The following COG5 variants were observed in gnomAD, a reference collection of about 807,000 sequenced individuals.
The protein encoded by COG5 is conserved oligomeric Golgi complex subunit 5.
Under a neutral mutation model 110.4 loss-of-function variants are expected in COG5, and 86 were observed. The ratio of observed to expected loss-of-function variants is 0.78; its 90% CI spans 0.65 to 0.93. The LOEUF is 0.93. Among genes scored for constraint, COG5 ranks in the 40% least tolerant of loss-of-function variants. The pLI is 0.00. For missense variants in COG5, 1,077 were observed against 987.0 expected (o/e 1.09, Z -1.22); for synonymous variants, 360 against 334.6 (o/e 1.08, Z -0.83).
At chr7:107,278,465 C>T (rs1804882077) in intron 14 of COG5, among the ~76,000 whole-genome samples, 2 of 152,122 alleles carry the variant, frequency 1.3e-5, no homozygotes, top group African/African-American at 4.8e-5. Context: ...GTTCCCCTCT[C>T]TGTGTCCACG....
chr7:107,514,969 T>C (rs1313709469), intron 6 of COG5, among the ~76,000 whole-genome samples: 2 of 152,194 alleles, frequency 1.3e-5, no homozygotes, highest in Admixed American at 1.3e-4. Context: ...ATGCTGAGTT[T>C]ATAGATAAGG....
chr7:107,262,097 G>C (rs1803404446), intron 14 of COG5, among the ~76,000 whole-genome samples: 1 of 151,920 alleles, frequency 6.6e-6, no homozygotes, highest in South Asian at 2.1e-4. Flanking sequence ...TGTCATGTTA[G>C]CTAGGCTGGT....
intron 6 of COG5, chr7:107,472,712 C>A (rs1399977838): frequency 6.6e-6 from 1 of 151,816 alleles, no homozygotes; most frequent in African/African-American, 2.4e-5. Context: ...TGTGTTTCTG[C>A]AATATTATTC....
chr7:107,223,185 AAG>A (rs1484275496), intron 19 of COG5, among the ~76,000 whole-genome samples: 2 of 152,314 alleles, frequency 1.3e-5, no homozygotes, highest in Non-Finnish European at 2.9e-5. Context: ...ACAGAAATGA[AAG>A]AGTGGGAGAA....
At chr7:107,480,601 T>C (rs181544475) in intron 6 of COG5, among the ~76,000 whole-genome samples, 4 of 152,220 alleles carry the variant, frequency 2.6e-5, no homozygotes, top group African/African-American at 4.8e-5. Context: ...TACAGAATTG[T>C]AGGTTAGAGC....
intron 17 of COG5, among the ~76,000 whole-genome samples, chr7:107,236,934 T>A (rs1801240284): frequency 6.6e-6 from 1 of 152,196 alleles, no homozygotes; most frequent in African/African-American, 2.4e-5. Context: ...TACCTAAAGA[T>A]TATTAAGAAT....
chr7:107,531,641 G>C (rs148362982), intron 5 of COG5, among the ~76,000 whole-genome samples: 33 of 149,280 alleles, frequency 2.2e-4, no homozygotes, highest in African/African-American at 4.7e-4. Context: ...CGGTGAGGGC[G>C]GGGGGGAGGT....
At chr7:107,248,556 A>G in intron 16 of COG5, 57 bp from the exon 17 acceptor site, 1 of 1,221,680 alleles carries the variant, frequency 8.2e-7, no homozygotes, top group Non-Finnish European at 1.2e-6. Context: ...AAAACAACCC[A>G]AAGAAATTTG....
chr7:107,258,013 T>C lies in COG5; in HGVS notation c.1686+260A>G, dbSNP rs10487271. Among the ~76,000 whole-genome samples, 24,492 of 152,174 alleles carry C rather than the reference T, an allele frequency of 0.16. 2,370 individuals carry two copies. The highest frequency in any genetic ancestry group is 0.22 in the Non-Finnish European group (14,696 of 67,962). On this transcript the variant is annotated intron_variant, in intron 15 of 21. Coordinates refer to ENST00000297135, the MANE Select transcript of COG5 (RefSeq NM_006348.5). ...GAAATATGTATGATCTGTCCTCCAA[T>C]AATTTGCTCAATAAACTTAATTAAC...
chr7:107,470,616 AT>A (rs1478529826), intron 6 of COG5, among the ~76,000 whole-genome samples: 2 of 152,030 alleles, frequency 1.3e-5, no homozygotes, highest in African/African-American at 2.4e-5. Context: ...TTTAAATGTA[AT>A]TTTTTAGGAT....
At position 107,201,530 on chromosome 7, in the gene COG5, G is replaced by C; in HGVS notation, c.*1986C>G. 7.3e-6 allele frequency: 5 copies of C among 685,172 alleles called. No homozygotes were observed. The South Asian group carries it at 7.8e-5, about 11-fold the overall frequency. 42.4% of individuals were successfully genotyped at this position (685,172 alleles called of 1,614,324 possible). On this transcript the variant is annotated 3_prime_UTR_variant, in exon 22 of 22. Coordinates refer to ENST00000297135, the MANE Select transcript of COG5 (RefSeq NM_006348.5). ...AGGTCTCACCATTTGTCCTCAATTC[G>C]TGTGACCATAAGATACTGATAGCAT...
intron 6 of COG5, among the ~76,000 whole-genome samples, chr7:107,432,467 G>C (rs557849505): frequency 6.6e-6 from 1 of 152,224 alleles, no homozygotes; most frequent in Admixed American, 6.5e-5. Flanking sequence ...ATCCTCTGAG[G>C]ACATGAACTT....
intron 17 of COG5, among the ~76,000 whole-genome samples, chr7:107,246,153 G>C (rs1802039167): frequency 6.6e-6 from 1 of 152,162 alleles, no homozygotes; most frequent in South Asian, 2.1e-4. Flanking sequence ...GGGCTAACTG[G>C]CTAGTCATAC....
At chr7:107,214,953 T>C (rs1351411244) in intron 19 of COG5, among the ~76,000 whole-genome samples, 2 of 150,768 alleles carry the variant, frequency 1.3e-5, no homozygotes, top group Non-Finnish European at 3.0e-5. Context: ...AAAACAAAAG[T>C]ATAGCCCAAA....
At chr7:107,302,370 G>A (rs1464210809) in intron 11 of COG5, among the ~76,000 whole-genome samples, 2 of 152,176 alleles carry the variant, frequency 1.3e-5, no homozygotes, top group Non-Finnish European at 2.9e-5. Flanking sequence ...CTGGGAATGG[G>A]GGAGGGAGAT....
intron 5 of COG5, 87 bp downstream of exon 5, chr7:107,548,024 T>A (rs954477373): frequency 2.0e-5 from 22 of 1,112,022 alleles, no homozygotes; most frequent in East Asian, 5.1e-5. Flanking sequence ...ATTCTCTTAC[T>A]TCTTCCAAAC....
chr7:107,382,270 G>T (rs866121383), intron 7 of COG5, among the ~76,000 whole-genome samples: 1 of 152,114 alleles, frequency 6.6e-6, no homozygotes, highest in Non-Finnish European at 1.5e-5. Flanking sequence ...GGTATTTGAG[G>T]ATACAAACCC....
intron 10 of COG5, among the ~76,000 whole-genome samples, chr7:107,329,721 C>T (rs1810083031): frequency 6.6e-6 from 1 of 151,892 alleles, no homozygotes; most frequent in Admixed American, 6.6e-5. Flanking sequence ...GAGACCCCCC[C>T]CGTTTCTACA....
chr7:107,411,347 C>T (rs935398217), intron 7 of COG5, among the ~76,000 whole-genome samples: 2 of 151,892 alleles, frequency 1.3e-5, no homozygotes, highest in African/African-American at 4.8e-5. Context: ...TAGAGAAATA[C>T]TCTTTTTTTT....
Sources: gnomAD v4.1 joint callset for allele counts (sites outside exome capture counted in the v4.1 genomes callset) on GRCh38, gnomAD v4.1.1 for gene constraint, MANE v1.5 for transcripts, NCBI Gene and HGNC (gene_info 2026-07-23, HGNC 2026-07-21) for gene names.